Variants in APOA4 observed in about 807,000 individuals in gnomAD.
APOA4 encodes apolipoprotein A4.
APOA4 carries 25 observed loss-of-function variants against 33.6 expected under a neutral mutation model. The observed-to-expected ratio is 0.74, with a 90% CI of 0.54 to 1.04. The LOEUF (loss-of-function observed/expected upper bound fraction) is 1.04. APOA4 is among the 50% of genes least tolerant of loss of function. The pLI is 0.00. For synonymous variants in APOA4, 228 were observed against 224.0 expected (o/e 1.02, Z -0.16); for missense variants, 549 against 510.4 (o/e 1.08, Z -0.73).
rs1232528630 is a variant in APOA4 at position 116,821,496 on chromosome 11, C to G, written c.562G>C (p.Ala188Pro). 1.9e-6 allele frequency: 3 copies of G among 1,614,102 alleles called. No homozygotes were observed. Among genetic ancestry groups the G allele is most frequent in the Non-Finnish European group, 2.5e-6 (3 of 1,180,016 alleles). Reference sequence around the variant, plus strand: ...TCCTCCACGTTCTGGTCGATCTTGGCCTTGAGCTCGTCGGCGTGGGGCCTC... The same window carrying G: ...TCCTCCACGTTCTGGTCGATCTTGGGCTTGAGCTCGTCGGCGTGGGGCCTC... The part of the protein sequence containing the change: ...SLRPHADELK[A>P]KIDQNVEELK... Residue 188 changes from alanine to proline, a missense_variant, in exon 3 of 3, where the codon GCC becomes CCC. Transcript: ENST00000357780.
Position 116,821,388 on chromosome 11 carries a change from C to T in APOA4, c.670G>A (p.Ala224Thr), listed in dbSNP as rs777020888. Residue 224 changes from alanine (A) to threonine (T), a missense_variant, in exon 3 of 3, where the codon GCT (alanine) becomes ACT (threonine). Coordinates refer to ENST00000357780, the MANE Select transcript of APOA4 (RefSeq NM_000482.4). ...TCCTGCGTGTCCTGAGCATAGGGAG[C>T]CAGGCTGCGGCGCAGCTCCTCCACG... The part of the protein sequence containing the change: ...QTVEELRRSL[A>T]PYAQDTQEKL... 1 of 1,614,162 alleles carries T rather than the reference C, an allele frequency of 6.2e-7. No homozygotes were observed. Among genetic ancestry groups the T allele is most frequent in the Non-Finnish European group, 8.5e-7 (1 of 1,180,020 alleles).
In APOA4 at chr11:116,822,667, C is replaced by T. The variant is rs1335011647; in HGVS notation, c.168G>A (p.Gln56=). Residue 56 remains glutamine, a synonymous_variant, in exon 2 of 3, where the codon CAG becomes CAA. Transcript: ENST00000357780. ...ACTGTAGTCCCTCTTACTTGAGTTG[C>T]TGGGTGAGTTCAGATTTCTGGAGAT... ...VEHLQKSELT[Q]QLNALFQDKL... 1.9e-6 allele frequency: 3 copies of T among 1,614,102 alleles called. No individual in the cohort carries two copies. The highest frequency in any genetic ancestry group is 1.3e-5 in the African/African-American group (1 of 74,924).
Position 116,820,918 on chromosome 11 carries a change from C to A in APOA4, c.1140G>T (p.Gln380His), listed in dbSNP as rs5110. The change falls in exon 3 of 3, where the codon CAG becomes CAT. Residue 380 changes from glutamine (Q) to histidine (H), a missense_variant. Coordinates refer to ENST00000357780, the MANE Select transcript of APOA4 (RefSeq NM_000482.4). ...GCACCTGCTCCTGCTGCTGCTCCTG[C>A]TGCTGTTCCTGCTGTTGCTCCAGCT... ...LPELEQQQEQQQEQQQEQVQM... is the reference protein window; with the variant it reads ...LPELEQQQEQHQEQQQEQVQM... 117,779 of 1,614,064 alleles carry A rather than the reference C, an allele frequency of 0.073. 4,952 individuals are homozygous for A. Among genetic ancestry groups the A allele is most frequent in the Non-Finnish European group, 0.087 (103,080 of 1,179,912 alleles).
chr11:116,821,575 T>C lies in APOA4; in HGVS notation c.483A>G (p.Ala161=), dbSNP rs371173298. Residue 161 remains alanine (A), a synonymous_variant, in exon 3 of 3, where the codon GCA becomes GCG. Coordinates refer to ENST00000357780, the MANE Select transcript of APOA4 (RefSeq NM_000482.4). ...CCCGCAGCACTCTCTCCATGCGCTG[T>C]GCGTAGGGGGTCAGCTGGCGCCGCA... ...EQLRRQLTPY[A]QRMERVLREN... 4.4e-5 allele frequency: 71 copies of C among 1,611,260 alleles called. No homozygotes were observed. Among genetic ancestry groups the C allele is most frequent in the Middle Eastern group, 1.6e-4 (1 of 6,082 alleles).
chr11:116,823,090 C>T (rs1941343955), intron 1 of APOA4, 53 bp downstream of exon 1: 1 of 1,600,764 alleles, frequency 6.2e-7, no homozygotes, highest in Non-Finnish European at 8.6e-7. Flanking sequence ...CTCCATCCTG[C>T]ACTACTCAGA....
At position 116,820,871 on chromosome 11, in the gene APOA4, C is replaced by G; in HGVS notation, c.1187G>C (p.Ser396Thr). 1 of 1,613,912 alleles carries G rather than the reference C, an allele frequency of 6.2e-7. No homozygotes were observed. The highest frequency in any genetic ancestry group is 1.3e-5 in the African/African-American group (1 of 75,054). Reference protein sequence around the residue: ...EQVQMLAPLES With the variant: ...EQVQMLAPLET ...GGCCAGTGCACCAGGGGCAGCTCAG[C>G]TCTCCAAAGGGGCCAGCATCTGCAC... The change falls in exon 3 of 3, where the codon AGC becomes ACC. Residue 396 changes from serine (S) to threonine (T), a missense_variant. Transcript: ENST00000357780.
chr11:116,822,379 G>A (rs5096), intron 2 of APOA4, among the ~76,000 whole-genome samples: 93,390 of 151,948 alleles, frequency 0.61, 28,738 homozygotes, highest in Non-Finnish European at 0.63. Flanking sequence ...ATCAGCTCAC[G>A]TGACATTTTC....
At position 116,821,899 on chromosome 11, in the gene APOA4, A is replaced by AG. The variant is rs1484611855; in HGVS notation, c.177-19dup. ...AGAGGGCACTGTGGGGAAGGGCACA[A>AG]GGAGGCCACGTTACATTTGGCATTT... On this transcript the variant is annotated intron_variant, in intron 2 of 2. Coordinates refer to ENST00000357780, the MANE Select transcript of APOA4 (RefSeq NM_000482.4). 1 of 1,611,670 alleles carries AG rather than the reference A, an allele frequency of 6.2e-7. No individual in the cohort carries two copies. Among genetic ancestry groups the AG allele is most frequent in the Non-Finnish European group, 8.5e-7 (1 of 1,180,032 alleles).
chr11:116,821,060 G>A lies in APOA4; in HGVS notation c.998C>T (p.Ala333Val), dbSNP rs113263292. 6.5e-5 allele frequency: 105 copies of A among 1,614,156 alleles called. No homozygotes were observed. The highest frequency in any genetic ancestry group is 1.3e-4 in the African/African-American group (10 of 75,052). Reference protein sequence around the residue: ...EQLRQKLGPHAGDVEGHLSFL... With the variant: ...EQLRQKLGPHVGDVEGHLSFL... ...GCTCAAGTGGCCTTCCACGTCCCCC[G>A]CATGGGGGCCCAGTTTCTGCCTGAG... Residue 333 changes from alanine to valine, a missense_variant, in exon 3 of 3, where the codon GCG becomes GTG. Physicochemically the swap from Ala to Val is moderately conservative, Grantham distance 64. Coordinates refer to ENST00000357780, the MANE Select transcript of APOA4 (RefSeq NM_000482.4).
Position 116,821,266 on chromosome 11 carries a change from C to T in APOA4, c.792G>A (p.Arg264=). ...CCTCGGCCAAGGGCGCCAGCCTCTG[C>T]CGCAGCTCCTCGGCACTGGCCGAGA... ...ARISASAEEL[R]QRLAPLAEDV... is the part of the protein sequence containing the mutation. The change falls in exon 3 of 3, where the codon CGG becomes CGA. Residue 264 remains arginine, a synonymous_variant. Transcript: ENST00000357780. 6.2e-7 allele frequency: 1 copy of T among 1,613,446 alleles called. No homozygotes were observed. The highest frequency in any genetic ancestry group is 1.1e-5 in the South Asian group (1 of 91,080).
At position 116,820,716 on chromosome 11, in the gene APOA4, A is replaced by T; in HGVS notation, c.*151T>A. ...GGCAACCAGTTGAGGCTAGATTCTC[A>T]GCAGCTTTATTGAATATTGAGAGGT... On this transcript the variant is annotated 3_prime_UTR_variant, in exon 3 of 3. Transcript: ENST00000357780. 2 of 1,346,298 alleles carry T rather than the reference A, an allele frequency of 1.5e-6. No homozygotes were observed. Among genetic ancestry groups the T allele is most frequent in the Non-Finnish European group, 2.0e-6 (2 of 993,158 alleles). The allele number at this position is 1,346,298 out of a possible 1,614,324, so 83.4% of individuals were successfully genotyped here.
At position 116,823,202 on chromosome 11, in the gene APOA4, T is replaced by C; in HGVS notation, c.-11A>G. ...GGCCTTCAGGAACATCCTGAGCTGC[T>C]TGCTGGGCTGGAGGAGTTTCTTGCC... is the stretch of plus-strand genomic sequence containing the variant. On this transcript the variant is annotated 5_prime_UTR_variant, in exon 1 of 3. Coordinates refer to ENST00000357780, the MANE Select transcript of APOA4 (RefSeq NM_000482.4). The C allele has an allele frequency of 6.2e-7, 1 of 1,614,138 alleles. No homozygotes were observed. Among genetic ancestry groups the C allele is most frequent in the South Asian group, 1.1e-5 (1 of 91,082 alleles).
intron 1 of APOA4, 51 bp from the exon 2 acceptor site, chr11:116,822,836 C>G: frequency 6.2e-7 from 1 of 1,611,948 alleles, no homozygotes; most frequent in Middle Eastern, 1.7e-4. Flanking sequence ...TGTGTGGCCC[C>G]TCTGCTCCAG....
Position 116,823,236 on chromosome 11 carries a change from T to A in APOA4, c.-45A>T. ...TGGAGGAGTTTCTTGCCACACTGGA[T>A]CCTCCCTACAATCAGGGGAGCTGAC... On this transcript the variant is annotated 5_prime_UTR_variant, in exon 1 of 3. Transcript: ENST00000357780. 8 of 1,611,884 alleles carry A rather than the reference T, an allele frequency of 5.0e-6. No homozygotes were observed. Among genetic ancestry groups the A allele is most frequent in the Non-Finnish European group, 6.8e-6 (8 of 1,178,072 alleles).
chr11:116,820,808 GAC>G lies in APOA4; in HGVS notation c.*57_*58del. 1 of 1,592,092 alleles carries G rather than the reference GAC, an allele frequency of 6.3e-7. No homozygotes were observed. Among genetic ancestry groups the G allele is most frequent in the Admixed American group, 1.7e-5 (1 of 58,786 alleles). ...AGAACTTCTTTGGGACAGACAGACAGACAGGTGGCAGGGCAGGGCAGGTGTCC... is the reference window on the plus strand; with the variant it reads ...AGAACTTCTTTGGGACAGACAGACAGAGGTGGCAGGGCAGGGCAGGTGTCC... On this transcript the variant is annotated 3_prime_UTR_variant, in exon 3 of 3. Coordinates refer to ENST00000357780, the MANE Select transcript of APOA4 (RefSeq NM_000482.4).
chr11:116,822,026 G>A, intron 2 of APOA4, 145 bp from the exon 3 acceptor site: 2 of 1,005,014 alleles, frequency 2.0e-6, no homozygotes, highest in South Asian at 1.3e-5. Context: ...CTATGGTGGT[G>A]CAGATTGGAG....
At chr11:116,822,857 C>T (rs1329200850) in intron 1 of APOA4, 72 bp from the exon 2 acceptor site, 1 of 1,606,124 alleles carries the variant, frequency 6.2e-7, no homozygotes, top group East Asian at 2.2e-5. Context: ...CTCTGAGCTG[C>T]AGACTGGATG....
chr11:116,822,527 G>T, intron 2 of APOA4, 132 bp downstream of exon 2: 1 of 1,353,152 alleles, frequency 7.4e-7, no homozygotes. Context: ...AGGTTCAGAG[G>T]CCCGGCCAGT....
intron 1 of APOA4, 73 bp from the exon 2 acceptor site, chr11:116,822,858 A>C (rs1941342214): frequency 5.6e-6 from 9 of 1,605,706 alleles, no homozygotes; most frequent in Non-Finnish European, 7.6e-6. Context: ...TCTGAGCTGC[A>C]GACTGGATGA....
Sources: allele counts gnomAD v4.1 joint callset (sites outside exome capture counted in the v4.1 genomes callset), GRCh38; gene constraint gnomAD v4.1.1; transcripts MANE v1.5; gene names NCBI Gene and HGNC (gene_info 2026-07-23, HGNC 2026-07-21).